The following ATRNL1 variants were observed in gnomAD, a reference collection of about 807,000 sequenced individuals.
ATRNL1 encodes attractin like 1.
A neutral mutation model predicts 182.7 loss-of-function variants in ATRNL1; 95 were observed. The observed-to-expected ratio is 0.52, with a 90% CI of 0.44 to 0.62. The LOEUF (loss-of-function observed/expected upper bound fraction) is 0.62, where lower values mean the gene tolerates loss of function less well. ATRNL1 is among the 20% of genes least tolerant of loss of function. The pLI, the probability that ATRNL1 is intolerant of heterozygous loss-of-function variation, is 0.00. For synonymous variants in ATRNL1, 576 were observed against 568.3 expected (o/e 1.01, Z -0.19); for missense variants, 1,471 against 1,679.5 (o/e 0.88, Z 2.17).
intron 16 of ATRNL1, 136 bp downstream of exon 16, chr10:115,300,383 C>T (rs1554924118): frequency 6.4e-6 from 4 of 626,680 alleles, no homozygotes; most frequent in Non-Finnish European, 7.9e-6. Flanking sequence ...TCCCCACTTA[C>T]TATTAGTGAT....
rs1593230425 is a variant in ATRNL1, at chr10:115,798,042, T to G, written c.3904-49835T>G. 2.0e-5 allele frequency among the ~76,000 whole-genome samples: 3 copies of G among 152,098 alleles called. No homozygotes were observed. The South Asian group carries it at 6.2e-4, about 32-fold the overall frequency. ...ACGCCATTCTCCTGCCTCAGCCTCC[T>G]GAGTAGCTGGGTCTACAGGCACCTG... is the stretch of plus-strand genomic sequence containing the variant. On this transcript the variant is annotated intron_variant, in intron 27 of 28. Transcript: ENST00000355044.
intron 28 of ATRNL1, among the ~76,000 whole-genome samples, chr10:115,910,716 T>C (rs1366442981): frequency 6.6e-6 from 1 of 152,306 alleles, no homozygotes; most frequent in East Asian, 1.9e-4. Context: ...GAAATCAAGT[T>C]AAATGACTAC....
At chr10:115,124,377 G>A (rs1231731362) in intron 3 of ATRNL1, among the ~76,000 whole-genome samples, 3 of 152,102 alleles carry the variant, frequency 2.0e-5, no homozygotes, top group African/African-American at 7.2e-5. Flanking sequence ...GCCAAATAAA[G>A]GGATGCATAG....
chr10:115,114,737 A>G (rs1311296384), intron 1 of ATRNL1, among the ~76,000 whole-genome samples: 1 of 152,124 alleles, frequency 6.6e-6, no homozygotes, highest in Non-Finnish European at 1.5e-5. Context: ...AAGATGAAAG[A>G]TAACGTGTTG....
At position 115,737,279 on chromosome 10, in the gene ATRNL1, C is replaced by CA. The variant is rs1555066190; in HGVS notation, c.3903+9924_3903+9925insA. Among the ~76,000 whole-genome samples, 998 of 119,574 alleles carry CA rather than the reference C, an allele frequency of 8.3e-3. 15 individuals carry two copies. Among genetic ancestry groups the CA allele is most frequent in the African/African-American group, 0.027 (941 of 35,004 alleles). The allele number at this position is 119,574 out of a possible 152,430, so 78.4% of individuals were successfully genotyped here. On this transcript the variant is annotated intron_variant, in intron 27 of 28. Transcript: ENST00000355044. ...TGTCTCTACAAAACATCCCCCCCCC[C>CA]CAAAAAAAAAGGCTGGGCATGGTGG...
intron 19 of ATRNL1, among the ~76,000 whole-genome samples, chr10:115,365,235 T>C (rs1486533872): frequency 1.3e-5 from 2 of 152,230 alleles, no homozygotes; most frequent in African/African-American, 4.8e-5. Flanking sequence ...AAATTCTTCC[T>C]GGTTTAGTCT....
chr10:115,852,867 C>T (rs1236613017), intron 28 of ATRNL1, among the ~76,000 whole-genome samples: 1 of 152,164 alleles, frequency 6.6e-6, no homozygotes, highest in African/African-American at 2.4e-5. Context: ...GGCGCATCTG[C>T]TCATGAAACT....
At chr10:115,121,986 A>G (rs1844758918) in intron 3 of ATRNL1, among the ~76,000 whole-genome samples, 174 bp downstream of exon 3, 3 of 152,024 alleles carry the variant, frequency 2.0e-5, no homozygotes, top group African/African-American at 7.2e-5. Flanking sequence ...ATAATTATGT[A>G]AATATTGATA....
At chr10:115,213,005 T>TA (rs1287975448) in intron 8 of ATRNL1, among the ~76,000 whole-genome samples, 1 of 152,156 alleles carries the variant, frequency 6.6e-6, no homozygotes, top group African/African-American at 2.4e-5. Context: ...TAATAAAAGT[T>TA]AAAAATAGTT....
At chr10:115,393,052 G>C (rs781965545) in intron 19 of ATRNL1, among the ~76,000 whole-genome samples, 10 of 152,042 alleles carry the variant, frequency 6.6e-5, no homozygotes, top group African/African-American at 2.2e-4. Flanking sequence ...AAAAACTTCT[G>C]TGAAGTCCCA....
chr10:115,247,806 G>A (rs191836084), intron 10 of ATRNL1, among the ~76,000 whole-genome samples: 43 of 152,278 alleles, frequency 2.8e-4, no homozygotes, highest in Non-Finnish European at 5.7e-4. Context: ...TTTGAAAAAT[G>A]TGGTATATAT....
At chr10:115,716,679 G>A (rs535204057) in intron 26 of ATRNL1, among the ~76,000 whole-genome samples, 21 of 152,066 alleles carry the variant, frequency 1.4e-4, no homozygotes, top group Non-Finnish European at 1.9e-4. Context: ...TGCAGCAAGA[G>A]CCTCAAGTCA....
intron 11 of ATRNL1, 102 bp downstream of exon 11, chr10:115,265,379 G>A (rs892750202): frequency 2.9e-6 from 2 of 685,220 alleles, no homozygotes; most frequent in East Asian, 5.5e-5. Flanking sequence ...GTACTTAATG[G>A]TATTGGATTT....
At chr10:115,302,364 C>T (rs1564893475) in intron 17 of ATRNL1, among the ~76,000 whole-genome samples, 1 of 152,052 alleles carries the variant, frequency 6.6e-6, no homozygotes, top group Admixed American at 6.6e-5. Context: ...CTTTGGTGAG[C>T]CTTTTTAGTA....
At chr10:115,437,925 A>T (rs1554965033) in intron 21 of ATRNL1, among the ~76,000 whole-genome samples, 1 of 151,922 alleles carries the variant, frequency 6.6e-6, no homozygotes, top group African/African-American at 2.4e-5. Context: ...CTGTTGTACC[A>T]TTGGGTCTCA....
chr10:115,612,663 T>C (rs1857225348), intron 26 of ATRNL1, among the ~76,000 whole-genome samples: 1 of 152,248 alleles, frequency 6.6e-6, no homozygotes, highest in Non-Finnish European at 1.5e-5. Context: ...TTGTGACTCA[T>C]GTAACAAGAT....
chr10:115,401,815 T>C (rs1289378893), intron 20 of ATRNL1, among the ~76,000 whole-genome samples: 1 of 151,970 alleles, frequency 6.6e-6, no homozygotes, highest in Non-Finnish European at 1.5e-5. Flanking sequence ...ACAATTGCAA[T>C]CTCCCCCACA....
At chr10:115,234,689 C>T (rs1335909502) in intron 9 of ATRNL1, among the ~76,000 whole-genome samples, 1 of 150,180 alleles carries the variant, frequency 6.7e-6, no homozygotes, top group Non-Finnish European at 1.5e-5. Flanking sequence ...TTCCCAGGTT[C>T]AAGCGATCCT....
At chr10:115,632,028 A>C (rs190418124) in intron 26 of ATRNL1, among the ~76,000 whole-genome samples, 3 of 152,138 alleles carry the variant, frequency 2.0e-5, no homozygotes, top group African/African-American at 7.2e-5. Flanking sequence ...ATGCTAGCTA[A>C]AAAGGATTCT....
Sources: gnomAD v4.1 joint callset for allele counts (sites outside exome capture counted in the v4.1 genomes callset) on GRCh38, gnomAD v4.1.1 for gene constraint, MANE v1.5 for transcripts, NCBI Gene and HGNC (gene_info 2026-07-23, HGNC 2026-07-21) for gene names.